Variants in LRP1 observed in about 807,000 individuals in gnomAD.
The protein encoded by LRP1 is LDL receptor related protein 1.
LRP1 carries 51 observed loss-of-function variants against 541.5 expected under a neutral mutation model. The ratio of observed to expected loss-of-function variants is 0.09; its 90% CI spans 0.08 to 0.12. The LOEUF is 0.12. Ranked by LOEUF, LRP1 falls within the 10% of genes least tolerant of loss-of-function variation. The probability of loss-of-function intolerance (pLI) is 1.00; values close to 1 mark genes in which losing one functional copy is unlikely to be tolerated. For missense variants in LRP1, 3,878 were observed against 6,376.2 expected (o/e 0.61, Z 13.34); for synonymous variants, 2,219 against 2,470.8 (o/e 0.90, Z 3.02).
At chr12:57,151,569 G>A (rs772879824) in intron 6 of LRP1, among the ~76,000 whole-genome samples, 27 of 152,260 alleles carry the variant, frequency 1.8e-4, no homozygotes, top group Non-Finnish European at 3.2e-4. Context: ...ACAAGGGGAC[G>A]GCTCCCCTCA....
rs1335481470 is a variant in LRP1, at chr12:57,203,280, C to T, written c.10811C>T (p.Ser3604Leu). Residue 3604 changes from serine (S) to leucine (L), a missense_variant, in exon 69 of 89, where the codon TCG becomes TTG. Ser to Leu is a moderately radical substitution (Grantham distance 145). This residue lies in a region of LRP1 where 278 missense variants were observed against 536.3 expected (regional missense o/e 0.52). Coordinates refer to ENST00000243077, the MANE Select transcript of LRP1 (RefSeq NM_002332.3). ...CDGDHDCADGSDEKDCTPRCD... is the reference protein window; with the variant it reads ...CDGDHDCADGLDEKDCTPRCD... Reference sequence around the variant, plus strand: ...GGAGACCACGACTGCGCGGACGGCTCGGACGAGGTGGGCAGGGAGATGAGA... The same window carrying T: ...GGAGACCACGACTGCGCGGACGGCTTGGACGAGGTGGGCAGGGAGATGAGA... 2.5e-6 allele frequency: 4 copies of T among 1,604,760 alleles called. No individual in the cohort carries two copies. The highest frequency in any genetic ancestry group is 3.4e-6 in the Non-Finnish European group (4 of 1,173,498).
rs1373779713 is a variant in LRP1, at chr12:57,159,819, C to T, written c.1799-6C>T. Reference sequence around the variant, plus strand: ...TGTTCATCACTGGTCCCTCTTCCCCCAACAGGCATCCACAATGTGGAGGGT... The same window carrying T: ...TGTTCATCACTGGTCCCTCTTCCCCTAACAGGCATCCACAATGTGGAGGGT... On this transcript the variant is annotated splice_polypyrimidine_tract_variant and splice_region_variant and intron_variant, in intron 11 of 88. Transcript: ENST00000243077. 6 of 1,613,758 alleles carry T rather than the reference C, an allele frequency of 3.7e-6. No individual in the cohort carries two copies. Among genetic ancestry groups the T allele is most frequent in the Admixed American group, 1.7e-5 (1 of 60,026 alleles).
intron 48 of LRP1, 149 bp downstream of exon 48, chr12:57,194,161 C>T (rs1159689666): frequency 6.1e-6 from 6 of 986,654 alleles, no homozygotes; most frequent in Non-Finnish European, 7.5e-6. Context: ...GCCCTGTCCC[C>T]ATCCCGCTCC....
Position 57,162,305 on chromosome 12 carries a change from C to T in LRP1, c.2203-12C>T, listed in dbSNP as rs1244234811. On this transcript the variant is annotated splice_polypyrimidine_tract_variant and intron_variant, in intron 13 of 88. Transcript: ENST00000243077. This position sits in a 1 kb window ranked among gnomAD's most constrained non-coding sequence, Gnocchi z 5.2. The stretch of plus-strand genomic sequence containing the variant: ...TCTTCCAACTCCTTAGTAACATCCT[C>T]TCCATCCCTAGATTGTGTATGAAGG... The T allele has an allele frequency of 3.1e-6, 5 of 1,612,742 alleles. No individual in the cohort carries two copies. The highest frequency in any genetic ancestry group is 1.3e-5 in the African/African-American group (1 of 74,902).
intron 4 of LRP1, 46 bp from the exon 5 acceptor site, chr12:57,144,926 C>A: frequency 1.3e-6 from 2 of 1,597,786 alleles, no homozygotes; most frequent in Non-Finnish European, 8.6e-7. Context: ...ACTTCGTTGC[C>A]CTTGTCACAC....
chr12:57,149,499 G>A (rs1472584308), intron 6 of LRP1: 5 of 612,922 alleles, frequency 8.2e-6, no homozygotes, highest in East Asian at 2.8e-5. Flanking sequence ...GCCAAAGGAA[G>A]TAACTTAAGC....
intron 42 of LRP1, among the ~76,000 whole-genome samples, chr12:57,190,462 C>T (rs2036355088): frequency 6.6e-6 from 1 of 152,224 alleles, no homozygotes; most frequent in South Asian, 2.1e-4. Flanking sequence ...TGCCTAAGGG[C>T]ACCTAGCTGG....
chr12:57,193,154 C>T (rs749224261), intron 45 of LRP1, 22 bp from the exon 46 acceptor site: 3 of 1,612,290 alleles, frequency 1.9e-6, no homozygotes, highest in South Asian at 2.2e-5. Context: ...GCTCAGAAAG[C>T]TCCCTCCACC....
At chr12:57,151,275 C>A (rs1218867771) in intron 6 of LRP1, among the ~76,000 whole-genome samples, 2 of 152,100 alleles carry the variant, frequency 1.3e-5, no homozygotes, top group Non-Finnish European at 2.9e-5. Flanking sequence ...TGCCAGGACA[C>A]CAGGTCTATT....
In LRP1 at chr12:57,154,419, C is replaced by A. The variant is rs2035580759; in HGVS notation, c.1004+49C>A. On this transcript the variant is annotated intron_variant, in intron 7 of 88. Transcript: ENST00000243077. This position sits in a 1 kb window ranked among gnomAD's most constrained non-coding sequence, Gnocchi z 4.6. ...GGCCCTGGAAGGTGGGAGGCTGAGG[C>A]TACAGTGGTAAGGAGGGTGCCCAAT... The A allele has an allele frequency of 1.2e-6, 2 of 1,603,884 alleles. No homozygotes were observed. Among genetic ancestry groups the A allele is most frequent in the Non-Finnish European group, 1.7e-6 (2 of 1,172,498 alleles).
In LRP1 at chr12:57,203,511, C is replaced by A; in HGVS notation, c.10941C>A (p.Cys3647Ter). Reference protein sequence around the residue: ...DCMDGSDEEACGTGVRTCPLD... With the variant: ...DCMDGSDEEA ...TGGACGGCAGCGACGAGGAGGCCTG[C>A]GGCACTGGCGGTGCGCCCCTTGGCT... is the stretch of plus-strand genomic sequence containing the variant. The change falls in exon 70 of 89, where the codon TGC becomes TGA. Residue 3647 changes from cysteine (C) to a stop codon, truncating the protein, a stop_gained. Transcript: ENST00000243077. LOFTEE classifies it high-confidence loss of function. 1 of 1,541,396 alleles carries A rather than the reference C, an allele frequency of 6.5e-7. No individual in the cohort carries two copies. Among genetic ancestry groups the A allele is most frequent in the Non-Finnish European group, 8.8e-7 (1 of 1,139,962 alleles).
rs777060186 is a variant in LRP1, at chr12:57,201,652, C to T, written c.10468+33C>T. On this transcript the variant is annotated intron_variant, in intron 66 of 88. Coordinates refer to ENST00000243077, the MANE Select transcript of LRP1 (RefSeq NM_002332.3). This position sits in a 1 kb window ranked among gnomAD's most constrained non-coding sequence, Gnocchi z 6.4. ...GCCTGGCCTGGAGCCCAGCTTCCCT[C>T]CCCAGTGTCTGCTGCTCACACCACC... The T allele has an allele frequency of 1.2e-5, 20 of 1,604,066 alleles. No homozygotes were observed. Among genetic ancestry groups the T allele is most frequent in the Non-Finnish European group, 1.7e-5 (20 of 1,172,734 alleles).
rs770586863 is a variant in LRP1, at chr12:57,205,675, A to C, written c.11588A>C (p.Glu3863Ala). The change falls in exon 75 of 89, where the codon GAA (glutamate) becomes GCA (alanine). Residue 3863 changes from glutamate (E) to alanine (A), a missense_variant and splice_region_variant. Glu to Ala is a moderately radical substitution (Grantham distance 107, BLOSUM62 -1). This residue lies in a region of LRP1 where 871 missense variants were observed against 1,212.4 expected (regional missense o/e 0.72). Coordinates refer to ENST00000243077, the MANE Select transcript of LRP1 (RefSeq NM_002332.3). The surrounding 1 kb of genome is among the most constrained non-coding windows in gnomAD (Gnocchi z 4.6). ...AAGACGCACAACACCTGCAAGGCCG[A>C]AGGTGCCGGAGCCACCAGAGGGCAG... Reference protein sequence around the residue: ...FMKTHNTCKAEGSEYQVLYIA... With the variant: ...FMKTHNTCKAAGSEYQVLYIA... 1 of 1,610,270 alleles carries C rather than the reference A, an allele frequency of 6.2e-7. No homozygotes were observed. The highest frequency in any genetic ancestry group is 8.5e-7 in the Non-Finnish European group (1 of 1,179,986).
Position 57,204,919 on chromosome 12 carries a change from C to A in LRP1, c.11194+170C>A. ...GGCTTTTCGTTAGGAAAGAGAAGCC[C>A]CTGGGGAAGGCTCTGGGGGCTGCCT... On this transcript the variant is annotated intron_variant, in intron 72 of 88. Coordinates refer to ENST00000243077, the MANE Select transcript of LRP1 (RefSeq NM_002332.3). This position sits in a 1 kb window ranked among gnomAD's most constrained non-coding sequence, Gnocchi z 5.3. 7.4e-7 allele frequency: 1 copy of A among 1,347,882 alleles called. No individual in the cohort carries two copies. Among genetic ancestry groups the A allele is most frequent in the East Asian group, 2.5e-5 (1 of 40,714 alleles). The allele number at this position is 1,347,882 out of a possible 1,614,324, so 83.5% of individuals were successfully genotyped here. A position where few individuals can be genotyped will look rare whatever the true frequency, so the allele number is the denominator to read the frequency against.
rs775365715 is a variant in LRP1 at position 57,179,318 on chromosome 12, A to G, written c.4739-11A>G. 8 of 1,598,830 alleles carry G rather than the reference A, an allele frequency of 5.0e-6. No homozygotes were observed. Among genetic ancestry groups the G allele is most frequent in the South Asian group, 1.1e-5 (1 of 90,510 alleles). On this transcript the variant is annotated splice_polypyrimidine_tract_variant and intron_variant, in intron 28 of 88. Transcript: ENST00000243077. The surrounding 1 kb of genome is among the most constrained non-coding windows in gnomAD (Gnocchi z 6.8). ...AGGGACTGCCTTCAGTGACCAGCCC[A>G]TGCCCCACAGAGTTTAAGAAGTTCC...
chr12:57,193,040 T>A, intron 45 of LRP1, 70 bp downstream of exon 45: 1 of 1,589,304 alleles, frequency 6.3e-7, no homozygotes, highest in South Asian at 1.1e-5. Context: ...CCATCTCCCC[T>A]ACATGCTCCA....
chr12:57,145,665 C>T (rs1474123328), intron 6 of LRP1, among the ~76,000 whole-genome samples, 175 bp downstream of exon 6: 1 of 152,170 alleles, frequency 6.6e-6, no homozygotes, highest in Non-Finnish European at 1.5e-5. Context: ...CACCGGCACG[C>T]TCCCTCCCAG....
chr12:57,159,825 G>A lies in LRP1; in HGVS notation c.1799G>A (p.Gly600Asp). The stretch of plus-strand genomic sequence containing the variant: ...TCACTGGTCCCTCTTCCCCCAACAG[G>A]CATCCACAATGTGGAGGGTGTGGCC... Reference protein sequence around the residue: ...GTERETILKDGIHNVEGVAVD... With the variant: ...GTERETILKDDIHNVEGVAVD... Residue 600 changes from glycine (G) to aspartate (D), a missense_variant and splice_region_variant, in exon 12 of 89, where the codon GGC becomes GAC. This residue lies in a region of LRP1 where 496 missense variants were observed against 861.0 expected (regional missense o/e 0.58). Coordinates refer to ENST00000243077, the MANE Select transcript of LRP1 (RefSeq NM_002332.3). 8 of 1,613,800 alleles carry A rather than the reference G, an allele frequency of 5.0e-6. No homozygotes were observed. Among genetic ancestry groups the A allele is most frequent in the Non-Finnish European group, 6.8e-6 (8 of 1,179,682 alleles).
chr12:57,155,052 A>G, intron 8 of LRP1: 1 of 538,342 alleles, frequency 1.9e-6, no homozygotes, highest in Non-Finnish European at 3.3e-6. Flanking sequence ...GTGTTTACAA[A>G]GCCGGGTGAT....
Sources: gnomAD v4.1 joint callset for allele counts (sites outside exome capture counted in the v4.1 genomes callset) on GRCh38, gnomAD v4.1.1 for gene constraint, gnomAD v4.1.1 regional missense constraint, Gnocchi (gnomAD v3.1) non-coding constraint, MANE v1.5 for transcripts, NCBI Gene and HGNC (gene_info 2026-07-23, HGNC 2026-07-21) for gene names.